TSHR: variants seen among roughly 807,000 people sequenced by gnomAD.
TSHR encodes thyroid stimulating hormone receptor.
A neutral mutation model predicts 64.1 loss-of-function variants in TSHR; 51 were observed. The ratio of observed to expected loss-of-function variants is 0.80; its 90% CI spans 0.64 to 1.01. TSHR has a LOEUF of 1.01. Ranked by LOEUF, TSHR falls within the 50% of genes least tolerant of loss-of-function variation. The pLI, the probability that TSHR is intolerant of heterozygous loss-of-function variation, is 0.00. For synonymous variants in TSHR, 361 were observed against 361.9 expected, an observed-to-expected ratio of 1.00 and a Z score of 0.03; for missense variants, 877 against 942.8, an observed-to-expected ratio of 0.93 and a Z score of 0.91.
At chr14:81,126,043 T>A (rs572307632) in intron 8 of TSHR, among the ~76,000 whole-genome samples, 1 of 152,086 alleles carries the variant, frequency 6.6e-6, no homozygotes, top group South Asian at 2.1e-4. Context: ...AAGAGTCACA[T>A]TGACAACTCA....
At chr14:80,986,556 G>A (rs998318205) in intron 1 of TSHR, among the ~76,000 whole-genome samples, 7 of 151,916 alleles carry the variant, frequency 4.6e-5, no homozygotes, top group African/African-American at 7.2e-5. Context: ...GCGCAGTCTC[G>A]GCTCACTGTA....
chr14:81,108,673 C>G (rs766746755), intron 8 of TSHR: 1 of 1,613,976 alleles, frequency 6.2e-7, no homozygotes, highest in Non-Finnish European at 8.5e-7. Context: ...CTCCAGTATG[C>G]CATCATGATG....
intron 1 of TSHR, among the ~76,000 whole-genome samples, chr14:81,026,060 T>C (rs1415203217): frequency 1.3e-5 from 2 of 152,170 alleles, no homozygotes; most frequent in South Asian, 2.1e-4. Flanking sequence ...GGGGATGTGA[T>C]GACAAATGAA....
At chr14:80,967,933 C>T (rs535600627) in intron 1 of TSHR, among the ~76,000 whole-genome samples, 1 of 152,210 alleles carries the variant, frequency 6.6e-6, no homozygotes, top group Admixed American at 6.5e-5. Flanking sequence ...ACCCCTGAGA[C>T]CACCTGAGAA....
At chr14:81,017,672 G>A (rs929368065) in intron 1 of TSHR, among the ~76,000 whole-genome samples, 3 of 151,998 alleles carry the variant, frequency 2.0e-5, no homozygotes, top group African/African-American at 4.8e-5. Flanking sequence ...AGGTACTCTC[G>A]TGATTGAACC....
intron 1 of TSHR, among the ~76,000 whole-genome samples, chr14:81,042,544 CA>C (rs1884972424): frequency 6.6e-6 from 1 of 152,008 alleles, no homozygotes; most frequent in African/African-American, 2.4e-5. Context: ...AAGAGAAAAA[CA>C]AATACTGTAT....
intron 1 of TSHR, chr14:80,991,866 G>A (rs1318682546): frequency 3.1e-6 from 1 of 324,864 alleles, no homozygotes; most frequent in African/African-American, 2.1e-5. Context: ...ACATATCTGA[G>A]GGCACTAGGT....
At chr14:81,072,668 T>C (rs1383900501) in intron 3 of TSHR, among the ~76,000 whole-genome samples, 8 of 151,994 alleles carry the variant, frequency 5.3e-5, no homozygotes, top group African/African-American at 1.7e-4. Context: ...AATACAAAGA[T>C]TGATTGCTGA....
chr14:81,027,648 T>C (rs2139814707), intron 1 of TSHR, among the ~76,000 whole-genome samples: 1 of 152,244 alleles, frequency 6.6e-6, no homozygotes, highest in East Asian at 1.9e-4. Flanking sequence ...AATAACTTTT[T>C]CAAATGTGTA....
chr14:81,028,494 G>A (rs1477516398), intron 1 of TSHR, among the ~76,000 whole-genome samples: 1 of 151,992 alleles, frequency 6.6e-6, no homozygotes, highest in Non-Finnish European at 1.5e-5. Context: ...CCCCTACATT[G>A]AGTTGGGATC....
intron 1 of TSHR, among the ~76,000 whole-genome samples, chr14:81,058,101 C>G (rs761052634): frequency 9.9e-5 from 15 of 152,200 alleles, no homozygotes; most frequent in Admixed American, 2.6e-4. Context: ...ACTGTCAGCT[C>G]TCTTTACATT....
intron 1 of TSHR, among the ~76,000 whole-genome samples, chr14:81,041,861 C>T (rs1884939824): frequency 6.6e-6 from 1 of 152,110 alleles, no homozygotes; most frequent in Non-Finnish European, 1.5e-5. Flanking sequence ...GAGCAATAAG[C>T]TATACAATCT....
At chr14:81,140,215 C>T (rs2140103444) in intron 9 of TSHR, among the ~76,000 whole-genome samples, 1 of 152,286 alleles carries the variant, frequency 6.6e-6, no homozygotes, top group South Asian at 2.1e-4. Flanking sequence ...ACATATTAGA[C>T]CCCAGACACC....
At chr14:81,041,919 C>T (rs1047828487) in intron 1 of TSHR, among the ~76,000 whole-genome samples, 3 of 152,046 alleles carry the variant, frequency 2.0e-5, no homozygotes, top group Non-Finnish European at 2.9e-5. Flanking sequence ...AACAACATTG[C>T]GTTGTAATGC....
chr14:81,027,732 A>T (rs1472464465), intron 1 of TSHR, among the ~76,000 whole-genome samples: 2 of 152,236 alleles, frequency 1.3e-5, no homozygotes, highest in East Asian at 3.8e-4. Flanking sequence ...GATATAAATG[A>T]TGAGCTATGA....
intron 3 of TSHR, among the ~76,000 whole-genome samples, chr14:81,077,819 T>C (rs1040184132): frequency 6.6e-6 from 1 of 152,202 alleles, no homozygotes; most frequent in Admixed American, 6.5e-5. Flanking sequence ...TTTATTAGTG[T>C]TCTATTCCAT....
intron 1 of TSHR, chr14:81,052,505 C>T (rs1425518250): frequency 1.3e-5 from 2 of 152,092 alleles, no homozygotes; most frequent in African/African-American, 2.4e-5. Flanking sequence ...GTTATTTTTG[C>T]TCGAGATTGC....
At chr14:81,005,107 A>G (rs537173170) in intron 1 of TSHR, among the ~76,000 whole-genome samples, 4 of 152,272 alleles carry the variant, frequency 2.6e-5, no homozygotes, top group African/African-American at 9.6e-5. Context: ...CTCCTATAAT[A>G]TTTAAGGGAA....
chr14:81,109,040 T>G, intron 8 of TSHR: 1 of 1,157,132 alleles, frequency 8.6e-7, no homozygotes, highest in Non-Finnish European at 1.1e-6. Context: ...CTCTGTATCA[T>G]TGCCACCTTC....
Sources: allele counts gnomAD v4.1 joint callset (sites outside exome capture counted in the v4.1 genomes callset), GRCh38; gene constraint gnomAD v4.1.1; transcripts MANE v1.5; gene names NCBI Gene and HGNC (gene_info 2026-07-23, HGNC 2026-07-21).